Variants in KMO observed in about 807,000 individuals in gnomAD.
KMO encodes the protein kynurenine 3-monooxygenase.
A neutral mutation model predicts 57.8 loss-of-function variants in KMO; 24 were observed. The ratio of observed to expected loss-of-function variants is 0.42; its 90% confidence interval spans 0.30 to 0.58. The LOEUF (loss-of-function observed/expected upper bound fraction) is 0.58, where lower values mean the gene tolerates loss of function less well. Ranked by LOEUF, KMO falls within the 20% of genes least tolerant of loss-of-function variation. The pLI is 0.22. For synonymous variants in KMO, 210 were observed against 193.6 expected (o/e 1.08, Z -0.70); for missense variants, 483 against 588.2 (o/e 0.82, Z 1.85).
At chr1:241,590,876 G>A (rs888419922) in intron 14 of KMO, among the ~76,000 whole-genome samples, 4 of 152,176 alleles carry the variant, frequency 2.6e-5, no homozygotes, top group African/African-American at 7.2e-5. Flanking sequence ...AACTGCCCCC[G>A]AGGAGAACAG....
chr1:241,548,144 T>C (rs1380732719), intron 1 of KMO, among the ~76,000 whole-genome samples: 1 of 143,720 alleles, frequency 7.0e-6, no homozygotes, highest in Non-Finnish European at 1.6e-5. Context: ...AAAAAATGGG[T>C]AAATGGCGGG....
At chr1:241,583,570 C>A (rs763069886) in intron 10 of KMO, among the ~76,000 whole-genome samples, 93 of 152,082 alleles carry the variant, frequency 6.1e-4, no homozygotes, top group Non-Finnish European at 1.1e-3. Context: ...GAGTTTTTCC[C>A]CAAGCTGCAC....
chr1:241,565,970 C>T (rs1413729356), intron 8 of KMO, among the ~76,000 whole-genome samples: 4 of 152,166 alleles, frequency 2.6e-5, no homozygotes, highest in Non-Finnish European at 4.4e-5. Flanking sequence ...TTTGGGAGGC[C>T]GAGGTGGGTG....
intron 4 of KMO, among the ~76,000 whole-genome samples, chr1:241,551,678 A>G (rs1661397162): frequency 6.6e-6 from 1 of 152,230 alleles, no homozygotes; most frequent in Non-Finnish European, 1.5e-5. Flanking sequence ...AGAGAGAATG[A>G]ATGCACCAAA....
chr1:241,566,785 C>A (rs913826686), intron 9 of KMO, among the ~76,000 whole-genome samples, 173 bp downstream of exon 9: 1 of 152,194 alleles, frequency 6.6e-6, no homozygotes, highest in South Asian at 2.1e-4. Context: ...AGCAGGAATT[C>A]TGAAAAACAC....
chr1:241,539,069 C>T (rs570507317), intron 1 of KMO, among the ~76,000 whole-genome samples: 1 of 152,044 alleles, frequency 6.6e-6, no homozygotes, highest in Non-Finnish European at 1.5e-5. Flanking sequence ...TGAAAATATA[C>T]ACATCTGTAG....
Position 241,564,993 on chromosome 1 carries a change from A to T in KMO, c.622A>T (p.Met208Leu). ...TATATTCTTTTTTCTGCAGTATGCC[A>T]TGGAACCTAATTATCTGCATATTTG... is the stretch of plus-strand genomic sequence containing the variant. ...TIPPKNGDYAMEPNYLHIWPR... is the reference protein window; with the variant it reads ...TIPPKNGDYALEPNYLHIWPR... The change falls in exon 8 of 15, where the codon ATG (methionine) becomes TTG (leucine). Residue 208 changes from methionine (M) to leucine (L), a missense_variant. By Grantham distance (15) the Met-to-Leu change is conservative. This residue lies in a region of KMO where 410 missense variants were observed against 492.3 expected (regional missense o/e 0.83). Coordinates refer to ENST00000366559, the MANE Select transcript of KMO (RefSeq NM_003679.5). 1 of 1,601,200 alleles carries T rather than the reference A, an allele frequency of 6.2e-7. No homozygotes were observed. Among genetic ancestry groups the T allele is most frequent in the Non-Finnish European group, 8.6e-7 (1 of 1,168,628 alleles).
chr1:241,544,690 T>C (rs1415863361), intron 1 of KMO, among the ~76,000 whole-genome samples: 1 of 152,188 alleles, frequency 6.6e-6, no homozygotes, highest in African/African-American at 2.4e-5. Context: ...CTTATTCTTT[T>C]TGTTTTTTAC....
At chr1:241,589,782 A>C (rs1663172006) in intron 12 of KMO, among the ~76,000 whole-genome samples, 1 of 152,218 alleles carries the variant, frequency 6.6e-6, no homozygotes, top group Non-Finnish European at 1.5e-5. Flanking sequence ...ACCCTGAGCA[A>C]AATAAACTTC....
At chr1:241,549,312 GAGAA>G (rs1413800726) in intron 2 of KMO, among the ~76,000 whole-genome samples, 1 of 145,974 alleles carries the variant, frequency 6.9e-6, no homozygotes, top group African/African-American at 2.5e-5. Context: ...GAAAGAAAGA[GAGAA>G]AGAGCAAGAA....
rs68039623 is a variant in KMO at position 241,564,746 on chromosome 1, C to G, written c.616-241C>G. Among the ~76,000 whole-genome samples the G allele has an allele frequency of 0.33, 49,902 of 151,780 alleles. 8,554 individuals carry two copies. Among genetic ancestry groups the G allele is most frequent in the East Asian group, 0.45 (2,312 of 5,152 alleles). On this transcript the variant is annotated intron_variant, in intron 7 of 14. Coordinates refer to ENST00000366559, the MANE Select transcript of KMO (RefSeq NM_003679.5). ...CTTTTTCCTTACATATACACACACA[C>G]GCACGTATTCTGAAATCTTGAAATA...
At chr1:241,578,279 C>G (rs890277916) in intron 10 of KMO, among the ~76,000 whole-genome samples, 1 of 152,162 alleles carries the variant, frequency 6.6e-6, no homozygotes, top group African/African-American at 2.4e-5. Flanking sequence ...GAACTGCAGA[C>G]TTTTCTTGCT....
At chr1:241,555,273 A>T (rs1270351600) in intron 4 of KMO, among the ~76,000 whole-genome samples, 1 of 152,216 alleles carries the variant, frequency 6.6e-6, no homozygotes, top group Non-Finnish European at 1.5e-5. Context: ...TAAGAGCTAA[A>T]TTTGGAGACC....
intron 10 of KMO, among the ~76,000 whole-genome samples, chr1:241,582,737 A>G (rs1662799574): frequency 6.6e-6 from 1 of 152,178 alleles, no homozygotes; most frequent in Non-Finnish European, 1.5e-5. Flanking sequence ...GAAAGGTCAT[A>G]TATCTTTGTC....
chr1:241,549,450 T>C (rs1661312718), intron 2 of KMO, among the ~76,000 whole-genome samples: 1 of 152,118 alleles, frequency 6.6e-6, no homozygotes, highest in East Asian at 1.9e-4. Flanking sequence ...AAAAAGTTTC[T>C]TTAATAAAAC....
chr1:241,589,054 C>T (rs558608180), intron 12 of KMO, among the ~76,000 whole-genome samples: 3 of 152,124 alleles, frequency 2.0e-5, no homozygotes, highest in Admixed American at 6.5e-5. Context: ...ACTTTAAGGA[C>T]GTTTAGGAGG....
intron 8 of KMO, among the ~76,000 whole-genome samples, chr1:241,565,417 G>A (rs1464578344): frequency 1.3e-5 from 2 of 151,960 alleles, no homozygotes; most frequent in Non-Finnish European, 2.9e-5. Flanking sequence ...ATTGGAATAC[G>A]CATTATCAAA....
chr1:241,584,604 G>A (rs1662895585), intron 10 of KMO, among the ~76,000 whole-genome samples: 1 of 145,554 alleles, frequency 6.9e-6, no homozygotes. Flanking sequence ...AAAAGAAATA[G>A]CGTTTAAAAG....
intron 14 of KMO, among the ~76,000 whole-genome samples, chr1:241,591,209 T>G (rs1223507691): frequency 6.6e-6 from 1 of 151,998 alleles, no homozygotes; most frequent in East Asian, 1.9e-4. Context: ...GGACAGTAAG[T>G]GCGGGGATAG....
Sources: gnomAD v4.1 joint callset for allele counts (sites outside exome capture counted in the v4.1 genomes callset) on GRCh38, gnomAD v4.1.1 for gene constraint, gnomAD v4.1.1 regional missense constraint, MANE v1.5 for transcripts, NCBI Gene and HGNC (gene_info 2026-07-23, HGNC 2026-07-21) for gene names.